Variants in AK5 observed in about 807,000 individuals in gnomAD.
The protein encoded by AK5 is adenylate kinase 5.
A neutral mutation model predicts 69.5 loss-of-function variants in AK5; 27 were observed. The ratio of observed to expected loss-of-function variants is 0.39; its 90% CI spans 0.29 to 0.54. AK5 has a LOEUF of 0.54. Ranked by LOEUF, AK5 falls within the 20% of genes least tolerant of loss-of-function variation. The pLI, the probability that AK5 is intolerant of heterozygous loss-of-function variation, is 0.71. For synonymous variants in AK5, 260 were observed against 244.4 expected (o/e 1.06, Z -0.60); for missense variants, 531 against 700.4 (o/e 0.76, Z 2.73).
At chr1:77,352,219 T>C (rs748162613) in intron 6 of AK5, among the ~76,000 whole-genome samples, 11 of 152,176 alleles carry the variant, frequency 7.2e-5, no homozygotes, top group Non-Finnish European at 1.2e-4. Flanking sequence ...TGAGCCACCA[T>C]GCCCGGCCCA....
At position 77,530,862 on chromosome 1, in the gene AK5, G is replaced by C. The variant is rs1443916525; in HGVS notation, c.1429-4985G>C. 2.0e-5 allele frequency among the ~76,000 whole-genome samples: 3 copies of C among 152,258 alleles called. No homozygotes were observed. In the East Asian group the frequency reaches 5.8e-4, roughly 29 times the overall value. ...GACTTAATCAGAAGAAAACTAAGGT[G>C]GGGGTGGAGTCAGAGGGCAGGAGGG... is the stretch of plus-strand genomic sequence containing the variant. On this transcript the variant is annotated intron_variant, in intron 12 of 13. Transcript: ENST00000354567.
intron 10 of AK5, among the ~76,000 whole-genome samples, chr1:77,505,651 G>C (rs1474845103): frequency 6.6e-6 from 1 of 152,074 alleles, no homozygotes; most frequent in African/African-American, 2.4e-5. Context: ...TGGATAACTT[G>C]AGGCCAGGAG....
At chr1:77,333,675 T>C (rs12059542) in intron 5 of AK5, among the ~76,000 whole-genome samples, 15,201 of 152,164 alleles carry the variant, frequency 0.1, 958 homozygotes, top group East Asian at 0.2. Flanking sequence ...ATAAGTTTTA[T>C]TGGAACACAG....
intron 2 of AK5, among the ~76,000 whole-genome samples, chr1:77,293,180 C>T (rs1016859440): frequency 9.2e-5 from 14 of 152,014 alleles, no homozygotes; most frequent in African/African-American, 3.4e-4. Flanking sequence ...TCCTACTGAC[C>T]GTGACAGTAC....
At chr1:77,377,321 C>T (rs1647315723) in intron 6 of AK5, among the ~76,000 whole-genome samples, 1 of 152,162 alleles carries the variant, frequency 6.6e-6, no homozygotes. Flanking sequence ...TCCCTTACCT[C>T]AATAAATGTC....
At chr1:77,515,363 A>G (rs538393840) in intron 10 of AK5, among the ~76,000 whole-genome samples, 1 of 152,334 alleles carries the variant, frequency 6.6e-6, no homozygotes, top group South Asian at 2.1e-4. Flanking sequence ...GAAGTTGCCA[A>G]CCGCACAAAG....
At chr1:77,353,058 A>T (rs12126330) in intron 6 of AK5, among the ~76,000 whole-genome samples, 15,000 of 151,450 alleles carry the variant, frequency 0.099, 826 homozygotes, top group Middle Eastern at 0.17. Flanking sequence ...TTATTTTTTT[A>T]AAAAAAATAA....
At chr1:77,519,686 C>G (rs1327331263) in intron 11 of AK5, among the ~76,000 whole-genome samples, 2 of 152,218 alleles carry the variant, frequency 1.3e-5, no homozygotes, top group Non-Finnish European at 2.9e-5. Context: ...TTATTCATGC[C>G]TCCCCTTTTT....
intron 6 of AK5, among the ~76,000 whole-genome samples, chr1:77,367,720 A>T (rs1191338510): frequency 3.1e-5 from 2 of 64,450 alleles, no homozygotes; most frequent in African/African-American, 1.4e-4. Context: ...TGTTATATAT[A>T]ATATATGTTA....
At chr1:77,431,601 G>T (rs769543003) in intron 8 of AK5, among the ~76,000 whole-genome samples, 1 of 152,150 alleles carries the variant, frequency 6.6e-6, no homozygotes, top group Non-Finnish European at 1.5e-5. Flanking sequence ...AAGCATATTT[G>T]ACTTCTTTAA....
chr1:77,505,045 T>C (rs1173436751), intron 10 of AK5, among the ~76,000 whole-genome samples: 1 of 152,236 alleles, frequency 6.6e-6, no homozygotes, highest in Non-Finnish European at 1.5e-5. Context: ...TTAAGATTTG[T>C]TTACTTATAT....
At chr1:77,404,553 A>G (rs1649486812) in intron 6 of AK5, among the ~76,000 whole-genome samples, 3 of 152,216 alleles carry the variant, frequency 2.0e-5, no homozygotes, top group African/African-American at 7.2e-5. Flanking sequence ...GGCAATTATG[A>G]TAATATTCAA....
intron 1 of AK5, chr1:77,283,539 A>G (rs1328454607): frequency 9.1e-6 from 9 of 985,442 alleles, no homozygotes; most frequent in East Asian, 2.3e-4. Flanking sequence ...ATGGGTTGCC[A>G]TAATTACAGG....
Position 77,549,743 on chromosome 1 carries a change from G to A in AK5, c.1621-8859G>A, listed in dbSNP as rs1033479337. Among the ~76,000 whole-genome samples, 5 of 152,122 alleles carry A rather than the reference G, an allele frequency of 3.3e-5. No homozygotes were observed. In the East Asian group the frequency reaches 9.6e-4, roughly 29 times the overall value. On this transcript the variant is annotated intron_variant, in intron 13 of 13. Coordinates refer to ENST00000354567, the MANE Select transcript of AK5 (RefSeq NM_174858.3). ...CTTATTTCACTTAACATGACTTCCA[G>A]TTCCATACATGTTGTTGCAAATGAC... is the stretch of plus-strand genomic sequence containing the variant.
intron 5 of AK5, among the ~76,000 whole-genome samples, chr1:77,298,468 CTATT>C (rs1659138468): frequency 6.6e-6 from 1 of 151,760 alleles, no homozygotes; most frequent in South Asian, 2.1e-4. Context: ...TTTTATATAT[CTATT>C]TAAGCTTTGA....
chr1:77,443,253 G>T (rs1570137207), intron 8 of AK5, among the ~76,000 whole-genome samples: 1 of 152,102 alleles, frequency 6.6e-6, no homozygotes, highest in Non-Finnish European at 1.5e-5. Context: ...CTGGTCTGGG[G>T]TGCTCAACTG....
intron 8 of AK5, among the ~76,000 whole-genome samples, chr1:77,427,674 C>A (rs1376265147): frequency 6.6e-6 from 1 of 152,080 alleles, no homozygotes; most frequent in Middle Eastern, 3.2e-3. Flanking sequence ...AAGAAAACTG[C>A]AGACCAGTAT....
At chr1:77,349,748 C>G (rs1662099151) in intron 6 of AK5, among the ~76,000 whole-genome samples, 1 of 151,990 alleles carries the variant, frequency 6.6e-6, no homozygotes, top group Admixed American at 6.5e-5. Flanking sequence ...TACAAATGGC[C>G]AATTGTTGGA....
intron 5 of AK5, among the ~76,000 whole-genome samples, chr1:77,305,146 G>A (rs1659567111): frequency 6.6e-6 from 1 of 152,064 alleles, no homozygotes; most frequent in Non-Finnish European, 1.5e-5. Context: ...TTTTGAGAAT[G>A]TCTATTCAAA....
Sources: gnomAD v4.1 joint callset for allele counts (sites outside exome capture counted in the v4.1 genomes callset) on GRCh38, gnomAD v4.1.1 for gene constraint, MANE v1.5 for transcripts, NCBI Gene and HGNC (gene_info 2026-07-23, HGNC 2026-07-21) for gene names.